Variants in PTPRF observed in about 807,000 individuals in gnomAD.
PTPRF encodes receptor-type tyrosine-protein phosphatase F.
A neutral mutation model predicts 201.8 loss-of-function variants in PTPRF; 59 were observed. The observed-to-expected ratio is 0.29, with a 90% CI of 0.24 to 0.36. The LOEUF is 0.36. PTPRF is among the 10% of genes least tolerant of loss of function. The pLI is 1.00. For synonymous variants in PTPRF, 1,088 were observed against 1,089.7 expected (o/e 1.00, Z 0.03); for missense variants, 2,132 against 2,690.5 (o/e 0.79, Z 4.59).
In PTPRF at chr1:43,619,053, C is replaced by T. The variant is rs1658548815; in HGVS notation, c.4497C>T (p.Gly1499=). Residue 1499 remains glycine (G), a synonymous_variant, in exon 27 of 34, where the codon GGC becomes GGT. Coordinates refer to ENST00000359947, the MANE Select transcript of PTPRF (RefSeq NM_002840.5). ...GTCCCCACTTTGTCCCCCAGAGTGG[C>T]TCCAGTGAGAAGCGCGAGCTGCGTC... ...TVRTFALHKS[G]SSEKRELRQF... The T allele has an allele frequency of 6.2e-7, 1 of 1,613,348 alleles. No homozygotes were observed. The highest frequency in any genetic ancestry group is 8.5e-7 in the Non-Finnish European group (1 of 1,179,406).
rs142730107 is a variant in PTPRF at position 43,604,139 on chromosome 1, C to A, written c.2987C>A (p.Ser996Tyr). 1.9e-4 allele frequency: 299 copies of A among 1,614,164 alleles called. 1 individual carries two copies. In the African/African-American group the frequency reaches 3.8e-3, roughly 20 times the overall value. Residue 996 changes from serine (S) to tyrosine (Y), a missense_variant, in exon 16 of 34, where the codon TCT (serine) becomes TAT (tyrosine). Ser to Tyr is a moderately radical substitution (Grantham distance 144, BLOSUM62 -2). Coordinates refer to ENST00000359947, the MANE Select transcript of PTPRF (RefSeq NM_002840.5). The part of the protein sequence containing the change: ...IKVRAWTSKG[S>Y]GPLSPSIQSR... ...GTCCGCGCATGGACCAGCAAAGGCT[C>A]TGGCCCACTCAGCCCCAGCATCCAG... is the stretch of plus-strand genomic sequence containing the variant.
chr1:43,562,930 C>T (rs1212206711), intron 5 of PTPRF, among the ~76,000 whole-genome samples: 2 of 151,554 alleles, frequency 1.3e-5, no homozygotes, highest in Admixed American at 6.6e-5. Flanking sequence ...ATAATCCCAG[C>T]GCTTTGGGAG....
rs764801165 is a variant in PTPRF at position 43,554,856 on chromosome 1, T to TC, written c.379+916dup. 6.9e-6 allele frequency among the ~76,000 whole-genome samples: 1 copy of TC among 145,234 alleles called. No individual in the cohort carries two copies. Among genetic ancestry groups the TC allele is most frequent in the Non-Finnish European group, 1.5e-5 (1 of 67,446 alleles). ...CTTTTTTTTCTTTTCTTTCTTTCTT[T>TC]CTTTTTTTTTTTTTGAGATGCAGTC... On this transcript the variant is annotated intron_variant, in intron 5 of 33. Transcript: ENST00000359947. This position sits in a 1 kb window ranked among gnomAD's most constrained non-coding sequence, Gnocchi z 4.1.
chr1:43,532,169 T>C (rs74071935), intron 1 of PTPRF, among the ~76,000 whole-genome samples: 2,975 of 152,190 alleles, frequency 0.02, 101 homozygotes, highest in African/African-American at 0.068. Context: ...GTCTCTGCAC[T>C]CTCTGTGCTA....
At chr1:43,569,227 C>T (rs1029428495) in intron 5 of PTPRF, among the ~76,000 whole-genome samples, 2 of 142,020 alleles carry the variant, frequency 1.4e-5, no homozygotes, top group Admixed American at 6.9e-5. Context: ...TAGCCCCCCC[C>T]CCCACCCCCT....
chr1:43,545,205 A>G, intron 3 of PTPRF, 39 bp downstream of exon 3: 14 of 1,543,914 alleles, frequency 9.1e-6, no homozygotes, highest in Non-Finnish European at 1.2e-5. Flanking sequence ...TCCCAGGTTG[A>G]AAGGTGGCAT....
At chr1:43,551,024 G>C (rs1644997121) in intron 3 of PTPRF, among the ~76,000 whole-genome samples, 1 of 152,224 alleles carries the variant, frequency 6.6e-6, no homozygotes, top group Admixed American at 6.5e-5. Flanking sequence ...GCCATAACAG[G>C]TGTTTGGAGA....
upstream of PTPRF, among the ~76,000 whole-genome samples, chr1:43,526,734 C>T (rs1161002615): frequency 6.6e-6 from 1 of 152,150 alleles, no homozygotes; most frequent in Non-Finnish European, 1.5e-5. Flanking sequence ...TGGGAGAGGT[C>T]CTCTTGAAAG....
chr1:43,592,663 A>G, intron 11 of PTPRF, 62 bp downstream of exon 11: 1 of 1,469,754 alleles, frequency 6.8e-7, no homozygotes, highest in Non-Finnish European at 9.0e-7. Flanking sequence ...ACACACATGC[A>G]CACACATCCT....
At chr1:43,618,879 A>G in intron 26 of PTPRF, 130 bp downstream of exon 26, 3 of 1,452,720 alleles carry the variant, frequency 2.1e-6, no homozygotes, top group Non-Finnish European at 2.8e-6. Context: ...TGTGTGAGTG[A>G]TGTGATGATC....
rs773322083 is a variant in PTPRF at position 43,621,010 on chromosome 1, G to A, written c.5519+18G>A. 1 of 1,611,286 alleles carries A rather than the reference G, an allele frequency of 6.2e-7. No individual in the cohort carries two copies. The highest frequency in any genetic ancestry group is 8.5e-7 in the Non-Finnish European group (1 of 1,178,164). ...CACTGCAGGTGGGACTGGCCCCCTG[G>A]AGGGCTGGGGTGGGTGGGCCTGAAG... On this transcript the variant is annotated intron_variant, in intron 32 of 33. Coordinates refer to ENST00000359947, the MANE Select transcript of PTPRF (RefSeq NM_002840.5).
intron 5 of PTPRF, among the ~76,000 whole-genome samples, chr1:43,567,524 A>G (rs1233832544): frequency 6.6e-6 from 1 of 152,128 alleles, no homozygotes; most frequent in East Asian, 1.9e-4. Context: ...TGGGAATCCT[A>G]TTGCTCTCTA....
intron 25 of PTPRF, 117 bp downstream of exon 25, chr1:43,618,028 A>G: frequency 9.0e-7 from 1 of 1,115,764 alleles, no homozygotes; most frequent in South Asian, 1.7e-5. Flanking sequence ...AGTGATCCCC[A>G]GATGCTATTG....
chr1:43,571,838 G>A (rs533970073), intron 6 of PTPRF, among the ~76,000 whole-genome samples: 4 of 152,336 alleles, frequency 2.6e-5, no homozygotes, highest in South Asian at 4.1e-4. Context: ...GTGTCTCATC[G>A]GGTCCTGGCT....
In PTPRF at chr1:43,580,779, G is replaced by A. The variant is rs75983259; in HGVS notation, c.679+1859G>A. The stretch of plus-strand genomic sequence containing the variant: ...AGAGCTCTGCTCACAAGACTGTAGG[G>A]TCGAGAGTGGCAGTTCCAGGCCTCA... On this transcript the variant is annotated intron_variant, in intron 7 of 33. Coordinates refer to ENST00000359947, the MANE Select transcript of PTPRF (RefSeq NM_002840.5). Among the ~76,000 whole-genome samples the A allele has an allele frequency of 6.8e-3, 1,031 of 152,372 alleles. 15 individuals are homozygous for A. Among genetic ancestry groups the A allele is most frequent in the African/African-American group, 0.023 (952 of 41,584 alleles).
Position 43,578,468 on chromosome 1 carries a change from AG to A in PTPRF, c.569-339del, listed in dbSNP as rs966975588. On this transcript the variant is annotated intron_variant, in intron 6 of 33. Transcript: ENST00000359947. ...GGGCTGCGGGGCCAGGAACACTAAC[AG>A]GGATGTTGATTGGGAAATAGGCTCC... 1.1e-4 allele frequency among the ~76,000 whole-genome samples: 16 copies of A among 152,296 alleles called. 1 individual carries two copies. Among genetic ancestry groups the A allele is most frequent in the Admixed American group, 9.8e-4 (15 of 15,306 alleles).
rs68193223 is a variant in PTPRF, at chr1:43,615,551, C to CTTTTTTTTTTT, written c.4071+1856_4072-1864dup. Reference sequence around the variant, plus strand: ...AGCCAGGACCCCATAGCTCTGTTGTCTTTTTTTTTTTTTTTTTTTTTTTTT... The same window carrying CTTTTTTTTTTT: ...AGCCAGGACCCCATAGCTCTGTTGTCTTTTTTTTTTTTTTTTTTTTTTTTTTTTTTTTTTTT... On this transcript the variant is annotated intron_variant, in intron 23 of 33. Transcript: ENST00000359947. Among the ~76,000 whole-genome samples, 83 of 84,152 alleles carry CTTTTTTTTTTT rather than the reference C, an allele frequency of 9.9e-4. 5 individuals carry two copies. The highest frequency in any genetic ancestry group is 1.8e-3 in the South Asian group (3 of 1,706). 55.2% of individuals were successfully genotyped at this position (84,152 alleles called of 152,430 possible).
chr1:43,621,857 G>A, intron 33 of PTPRF, 78 bp from the exon 34 acceptor site: 2 of 1,426,028 alleles, frequency 1.4e-6, no homozygotes, highest in Non-Finnish European at 2.0e-6. Flanking sequence ...TAACTCCATG[G>A]CTGCAGTGTG....
chr1:43,550,134 C>T (rs58098464), intron 3 of PTPRF, among the ~76,000 whole-genome samples: 2,203 of 150,462 alleles, frequency 0.015, 66 homozygotes, highest in African/African-American at 0.05. Context: ...TGCCTTGGGC[C>T]AGCTTGGCCT....
Sources: gnomAD v4.1 joint callset for allele counts (sites outside exome capture counted in the v4.1 genomes callset) on GRCh38, gnomAD v4.1.1 for gene constraint, Gnocchi (gnomAD v3.1) non-coding constraint, MANE v1.5 for transcripts, NCBI Gene and HGNC (gene_info 2026-07-23, HGNC 2026-07-21) for gene names.